Variants in C7orf78 observed in about 807,000 individuals in gnomAD.
C7orf78 encodes putative uncharacterized protein C7orf78.
At chr7:12,519,156 C>T in the C7orf78 span, among the ~76,000 whole-genome samples, 3 of 152,108 alleles carry the variant, frequency 2.0e-5, no homozygotes, top group East Asian at 5.8e-4. Flanking sequence ...AGGGTCACCA[C>T]CCACAACCCA....
chr7:12,484,022 G>A, the C7orf78 span: 1 of 152,128 alleles, frequency 6.6e-6, no homozygotes, highest in Non-Finnish European at 1.5e-5. Flanking sequence ...AAAGGTAAAG[G>A]TCGATCTTAT....
chr7:12,487,601 T>G, the C7orf78 span, among the ~76,000 whole-genome samples: 7 of 152,056 alleles, frequency 4.6e-5, no homozygotes, highest in African/African-American at 1.7e-4. Flanking sequence ...CTAAAAAATA[T>G]TTTGAGTGTT....
chr7:12,539,756 T>C, the C7orf78 span, among the ~76,000 whole-genome samples: 1 of 152,174 alleles, frequency 6.6e-6, no homozygotes, highest in Admixed American at 6.5e-5. Flanking sequence ...CAAATCCATC[T>C]CTCTAACTGA....
the C7orf78 span, among the ~76,000 whole-genome samples, chr7:12,519,816 A>C: frequency 1.3e-5 from 2 of 152,148 alleles, no homozygotes; most frequent in African/African-American, 4.8e-5. Context: ...GGTGGACACC[A>C]GGGGATATAA....
At chr7:12,511,273 T>G in the C7orf78 span, among the ~76,000 whole-genome samples, 5 of 152,338 alleles carry the variant, frequency 3.3e-5, no homozygotes, top group Non-Finnish European at 5.9e-5. Flanking sequence ...ACCATGCTAT[T>G]TTGATTACTC....
the C7orf78 span, chr7:12,483,788 G>C: frequency 1.3e-5 from 2 of 150,778 alleles, no homozygotes; most frequent in African/African-American, 2.4e-5. Context: ...TGAGGCAGGA[G>C]AATTGCTTGA....
the C7orf78 span, among the ~76,000 whole-genome samples, chr7:12,539,247 G>C: frequency 1.3e-5 from 2 of 152,216 alleles, no homozygotes; most frequent in African/African-American, 4.8e-5. Context: ...GGCGGATCGT[G>C]AGGTCAGGAG....
the C7orf78 span, among the ~76,000 whole-genome samples, chr7:12,484,952 A>G: frequency 1.3e-5 from 2 of 152,092 alleles, no homozygotes; most frequent in Non-Finnish European, 2.9e-5. Context: ...CAACTAATTT[A>G]TATTTTGCGT....
chr7:12,504,847 G>A, the C7orf78 span, among the ~76,000 whole-genome samples: 2 of 152,052 alleles, frequency 1.3e-5, no homozygotes, highest in Middle Eastern at 3.2e-3. Context: ...CTGTGATCAC[G>A]ATAGCAGATT....
chr7:12,521,345 A>G, the C7orf78 span, among the ~76,000 whole-genome samples: 2 of 151,186 alleles, frequency 1.3e-5, no homozygotes, highest in Non-Finnish European at 3.0e-5. Flanking sequence ...TTCTGTAGTG[A>G]TAAACTTTGA....
chr7:12,532,650 G>A, the C7orf78 span, among the ~76,000 whole-genome samples: 1 of 151,996 alleles, frequency 6.6e-6, no homozygotes. Flanking sequence ...AATAGTCGAA[G>A]TTTGCATTTG....
chr7:12,529,447 T>C, the C7orf78 span, among the ~76,000 whole-genome samples: 10 of 152,334 alleles, frequency 6.6e-5, no homozygotes, highest in Admixed American at 5.2e-4. Flanking sequence ...CTATAGGGAA[T>C]ACAGTGTTGA....
At chr7:12,508,887 C>A in the C7orf78 span, among the ~76,000 whole-genome samples, 4 of 152,328 alleles carry the variant, frequency 2.6e-5, no homozygotes, top group East Asian at 5.8e-4. Flanking sequence ...TCTCCCATCA[C>A]CCCCAGATGG....
the C7orf78 span, among the ~76,000 whole-genome samples, chr7:12,519,399 C>G: frequency 6.6e-6 from 1 of 152,174 alleles, no homozygotes; most frequent in African/African-American, 2.4e-5. Flanking sequence ...GGAAAGAGAT[C>G]CCATTCTCTA....
chr7:12,540,073 A>G, the C7orf78 span, among the ~76,000 whole-genome samples: 1 of 152,208 alleles, frequency 6.6e-6, no homozygotes, highest in African/African-American at 2.4e-5. Flanking sequence ...TTTCAATGGA[A>G]CATAGGAGTT....
At chr7:12,537,198 G>A in the C7orf78 span, among the ~76,000 whole-genome samples, 2,193 of 152,286 alleles carry the variant, frequency 0.014, 32 homozygotes, top group African/African-American at 0.037. Context: ...TGGACTTACC[G>A]TTCCACATGG....
At chr7:12,518,780 G>T in the C7orf78 span, among the ~76,000 whole-genome samples, 2 of 152,094 alleles carry the variant, frequency 1.3e-5, no homozygotes. Flanking sequence ...AGTCTGTGAT[G>T]GTTGGTGTGG....
At chr7:12,503,392 G>A in the C7orf78 span, among the ~76,000 whole-genome samples, 36 of 151,986 alleles carry the variant, frequency 2.4e-4, no homozygotes, top group African/African-American at 8.4e-4. Context: ...AAAAATAAAA[G>A]TGTTCTTATC....
chr7:12,527,211 G>C, the C7orf78 span, among the ~76,000 whole-genome samples: 3 of 103,840 alleles, frequency 2.9e-5, no homozygotes, highest in Admixed American at 9.2e-5. Context: ...CACTCACTAT[G>C]GTAGAAAATG....
Sources: gnomAD v4.1 joint callset for allele counts (sites outside exome capture counted in the v4.1 genomes callset) on GRCh38, gnomAD v4.1.1 for gene constraint, MANE v1.5 for transcripts, NCBI Gene and HGNC (gene_info 2026-07-23, HGNC 2026-07-21) for gene names.